Variants in PDSS2 observed in about 807,000 individuals in gnomAD.
The protein encoded by PDSS2 is decaprenyl diphosphate synthase subunit 2.
In PDSS2, 31 loss-of-function variants were observed where a neutral mutation model predicts 44.5. That is an observed-to-expected ratio of 0.70 (90% confidence interval 0.52 to 0.94). PDSS2 has a LOEUF of 0.94. Among genes scored for constraint, PDSS2 ranks in the 40% least tolerant of loss-of-function variants. The pLI is 0.00. For synonymous variants in PDSS2, 157 were observed against 180.3 expected (o/e 0.87, Z 1.03); for missense variants, 452 against 482.2 (o/e 0.94, Z 0.59).
chr6:107,308,167 T>A (rs1562451577), intron 2 of PDSS2, among the ~76,000 whole-genome samples: 2 of 152,174 alleles, frequency 1.3e-5, no homozygotes, highest in Non-Finnish European at 2.9e-5. Context: ...CCTTAATCTA[T>A]CTATATATTT....
intron 7 of PDSS2, among the ~76,000 whole-genome samples, chr6:107,170,770 G>A (rs1771545439): frequency 6.6e-6 from 1 of 152,046 alleles, no homozygotes; most frequent in Admixed American, 6.6e-5. Flanking sequence ...GTGCCATGAT[G>A]CCTGGCTAAT....
chr6:107,401,060 CACT>C (rs1418906439), intron 1 of PDSS2, among the ~76,000 whole-genome samples: 1 of 152,206 alleles, frequency 6.6e-6, no homozygotes, highest in Admixed American at 6.5e-5. Context: ...CAAGTATAAA[CACT>C]ACTGCAACCA....
chr6:107,301,564 A>G (rs1449874685), intron 2 of PDSS2, among the ~76,000 whole-genome samples: 1 of 152,112 alleles, frequency 6.6e-6, no homozygotes, highest in Non-Finnish European at 1.5e-5. Flanking sequence ...AGACTGTAAT[A>G]TTTTTTCAGT....
intron 4 of PDSS2, among the ~76,000 whole-genome samples, chr6:107,230,668 CCAGGGCA>C (rs1345312886): frequency 6.6e-6 from 1 of 151,820 alleles, no homozygotes; most frequent in African/African-American, 2.4e-5. Context: ...AGCAGACTAG[CCAGGGCA>C]TGTTTTTCTC....
chr6:107,446,800 T>C (rs1583097970), intron 1 of PDSS2, among the ~76,000 whole-genome samples: 2 of 151,610 alleles, frequency 1.3e-5, no homozygotes, highest in South Asian at 4.2e-4. Flanking sequence ...TTAAATTATC[T>C]CCCACCAGTT....
intron 1 of PDSS2, among the ~76,000 whole-genome samples, chr6:107,338,598 A>C (rs1777981300): frequency 6.6e-6 from 1 of 152,234 alleles, no homozygotes; most frequent in Non-Finnish European, 1.5e-5. Context: ...TAGAAGAAGC[A>C]ACTAACACAA....
intron 1 of PDSS2, among the ~76,000 whole-genome samples, chr6:107,377,012 G>A (rs911261821): frequency 3.3e-4 from 50 of 150,960 alleles, no homozygotes; most frequent in Admixed American, 3.3e-3. Context: ...CAAAAGCAAT[G>A]GCAACAAAAG....
At chr6:107,453,533 T>C (rs1390295185) in intron 1 of PDSS2, among the ~76,000 whole-genome samples, 3 of 152,312 alleles carry the variant, frequency 2.0e-5, no homozygotes, top group Middle Eastern at 3.4e-3. Context: ...ATATTTGTGT[T>C]AATCTATTTC....
chr6:107,412,807 A>C (rs73513202), intron 1 of PDSS2, among the ~76,000 whole-genome samples: 1,677 of 152,224 alleles, frequency 0.011, 36 homozygotes, highest in African/African-American at 0.039. Flanking sequence ...TTTATATTTA[A>C]ATCTCTGACC....
At chr6:107,343,858 A>C (rs1053969238) in intron 1 of PDSS2, among the ~76,000 whole-genome samples, 9 of 152,218 alleles carry the variant, frequency 5.9e-5, no homozygotes, top group Non-Finnish European at 1.2e-4. Context: ...AAAACAGGAT[A>C]AGAAAAAAAT....
At chr6:107,199,529 G>T (rs1772696265) in intron 6 of PDSS2, among the ~76,000 whole-genome samples, 1 of 152,130 alleles carries the variant, frequency 6.6e-6, no homozygotes, top group African/African-American at 2.4e-5. Context: ...CGAACTCCTG[G>T]ATGCAACTGA....
chr6:107,445,706 C>T (rs1460155741), intron 1 of PDSS2, among the ~76,000 whole-genome samples: 1 of 152,156 alleles, frequency 6.6e-6, no homozygotes, highest in South Asian at 2.1e-4. Flanking sequence ...TGAGAACTGA[C>T]GACGGCTTCC....
chr6:107,312,348 A>G (rs946921823), intron 2 of PDSS2, among the ~76,000 whole-genome samples: 1 of 152,286 alleles, frequency 6.6e-6, no homozygotes, highest in African/African-American at 2.4e-5. Context: ...CTAGAACCCT[A>G]CCAGAACCTA....
In PDSS2 at chr6:107,402,025, T is replaced by A. The variant is rs111846475; in HGVS notation, c.296+56965A>T. ...CGGGCGCAGTGGCTCACACCTGTAA[T>A]CCTAGCACTTTGGGAGGCAGAGGTG... On this transcript the variant is annotated intron_variant, in intron 1 of 7. Coordinates refer to ENST00000369037, the MANE Select transcript of PDSS2 (RefSeq NM_020381.4). Among the ~76,000 whole-genome samples the A allele has an allele frequency of 3.9e-3, 588 of 152,126 alleles. 4 individuals carry two copies. The highest frequency in any genetic ancestry group is 0.014 in the African/African-American group (579 of 41,496).
chr6:107,279,914 A>T (rs1775905013), intron 2 of PDSS2, among the ~76,000 whole-genome samples: 1 of 152,156 alleles, frequency 6.6e-6, no homozygotes, highest in African/African-American at 2.4e-5. Context: ...TTTGAGAAAA[A>T]TTTCTTCTGG....
At chr6:107,399,023 A>G (rs1780029478) in intron 1 of PDSS2, among the ~76,000 whole-genome samples, 1 of 152,230 alleles carries the variant, frequency 6.6e-6, no homozygotes, top group African/African-American at 2.4e-5. Context: ...AAGGGAAGAA[A>G]TCTTTTAATC....
intron 2 of PDSS2, among the ~76,000 whole-genome samples, chr6:107,308,484 A>G (rs994317790): frequency 2.0e-5 from 3 of 152,224 alleles, no homozygotes; most frequent in African/African-American, 7.2e-5. Context: ...GAGGGCTCAT[A>G]GTTTAGTTGG....
At chr6:107,162,730 G>A (rs1315020603) in intron 7 of PDSS2, among the ~76,000 whole-genome samples, 1 of 149,324 alleles carries the variant, frequency 6.7e-6, no homozygotes, top group Non-Finnish European at 1.5e-5. Context: ...TCAGCCTCCC[G>A]AGTAGCTGGG....
intron 1 of PDSS2, among the ~76,000 whole-genome samples, chr6:107,395,019 C>A (rs1398525165): frequency 6.6e-6 from 1 of 151,898 alleles, no homozygotes; most frequent in Non-Finnish European, 1.5e-5. Flanking sequence ...TTTGATTTGT[C>A]AAAAAAGTAT....
Sources: gnomAD v4.1 joint callset for allele counts (sites outside exome capture counted in the v4.1 genomes callset) on GRCh38, gnomAD v4.1.1 for gene constraint, MANE v1.5 for transcripts, NCBI Gene and HGNC (gene_info 2026-07-23, HGNC 2026-07-21) for gene names.